Variants in PRELID2 observed in about 807,000 individuals in gnomAD.
The protein encoded by PRELID2 is PRELI domain-containing protein 2.
PRELID2 carries 25 observed loss-of-function variants against 28.4 expected under a neutral mutation model. The observed-to-expected ratio is 0.88, with a 90% CI of 0.64 to 1.23. PRELID2 has a LOEUF of 1.23. PRELID2 is among the 50% of genes most tolerant of loss of function. The probability of loss-of-function intolerance (pLI) is 0.00; values close to 1 mark genes in which losing one functional copy is unlikely to be tolerated. For missense variants in PRELID2, 201 were observed against 214.4 expected (o/e 0.94, Z 0.39); for synonymous variants, 76 against 71.6 (o/e 1.06, Z -0.31).
In PRELID2 at chr5:145,493,076, G is replaced by A. The variant is rs1011979867; in HGVS notation, n.71-19761C>T. Among the ~76,000 whole-genome samples the A allele has an allele frequency of 2.9e-5, 4 of 140,048 alleles. 1 individual carries two copies. The highest frequency in any genetic ancestry group is 7.2e-5 in the Admixed American group (1 of 13,888). 91.9% of individuals were successfully genotyped at this position (140,048 alleles called of 152,430 possible). A position where few individuals can be genotyped will look rare whatever the true frequency, so the allele number is the denominator to read the frequency against. On this transcript the variant is annotated intron_variant and non_coding_transcript_variant, in intron 1 of 2. Transcript: ENST00000510259. ...CTTGGGTAATATAAAATTGTTCTTC[G>A]GACCCTCTTCCATGTGCCTTTTATT...
chr5:145,740,695 T>C (rs1756662553), intron 1 of PRELID2, among the ~76,000 whole-genome samples: 2 of 105,808 alleles, frequency 1.9e-5, no homozygotes, highest in South Asian at 5.8e-4. Context: ...TAATATATTA[T>C]TTATATTAAA....
chr5:145,496,046 G>A (rs1454009717), intron 1 of PRELID2, among the ~76,000 whole-genome samples: 3 of 152,078 alleles, frequency 2.0e-5, no homozygotes, highest in African/African-American at 7.2e-5. Context: ...TGTCTCAAGG[G>A]CTAAGAAATA....
chr5:145,595,415 T>C (rs577989460), intron 1 of PRELID2, among the ~76,000 whole-genome samples: 11 of 152,168 alleles, frequency 7.2e-5, no homozygotes, highest in African/African-American at 2.6e-4. Flanking sequence ...ATCAAAGAGC[T>C]CAAAATTATC....
chr5:145,341,045 C>G, the PRELID2 span, among the ~76,000 whole-genome samples: 4 of 151,578 alleles, frequency 2.6e-5, no homozygotes, highest in African/African-American at 9.7e-5. Context: ...TGCAGGCACC[C>G]AAAATCAAAA....
chr5:145,821,548 C>T (rs1754830421), intron 2 of PRELID2, among the ~76,000 whole-genome samples: 1 of 152,230 alleles, frequency 6.6e-6, no homozygotes, highest in South Asian at 2.1e-4. Context: ...GTGCAGTCTT[C>T]TGCTTTGTGA....
downstream of PRELID2, among the ~76,000 whole-genome samples, chr5:145,467,828 A>C (rs1752015933): frequency 6.6e-6 from 1 of 151,090 alleles, no homozygotes; most frequent in African/African-American, 2.4e-5. Context: ...GTCATGCCAT[A>C]TATGCTTTTT....
At chr5:145,383,138 CAT>C in the PRELID2 span, among the ~76,000 whole-genome samples, 8 of 149,568 alleles carry the variant, frequency 5.3e-5, no homozygotes, top group Admixed American at 2.0e-4. Flanking sequence ...GATTCTAAAA[CAT>C]GTGGGAAAAA....
At chr5:145,380,832 T>C in the PRELID2 span, among the ~76,000 whole-genome samples, 1 of 152,174 alleles carries the variant, frequency 6.6e-6, no homozygotes, top group Non-Finnish European at 1.5e-5. Flanking sequence ...CCTAAAATAT[T>C]GTCATCCATA....
intron 1 of PRELID2, among the ~76,000 whole-genome samples, chr5:145,743,267 A>G (rs1295473106): frequency 4.0e-5 from 6 of 151,798 alleles, no homozygotes; most frequent in Non-Finnish European, 8.8e-5. Flanking sequence ...AAAATTACCC[A>G]GGCATGATGG....
At chr5:145,511,758 A>G (rs1175855685) in intron 1 of PRELID2, among the ~76,000 whole-genome samples, 1 of 152,224 alleles carries the variant, frequency 6.6e-6, no homozygotes, top group Non-Finnish European at 1.5e-5. Context: ...ATCTTCCAGG[A>G]ACTTTCTGAA....
chr5:145,556,985 G>A (rs1752884939), intron 1 of PRELID2, among the ~76,000 whole-genome samples: 1 of 152,056 alleles, frequency 6.6e-6, no homozygotes, highest in Non-Finnish European at 1.5e-5. Context: ...TCATGACACC[G>A]TGTGACTTAA....
chr5:145,246,908 C>T, the PRELID2 span, among the ~76,000 whole-genome samples: 2,311 of 152,228 alleles, frequency 0.015, 23 homozygotes, highest in South Asian at 0.031. Flanking sequence ...GGAAAAGACC[C>T]TCTTCTTTCC....
the PRELID2 span, among the ~76,000 whole-genome samples, chr5:145,380,116 T>C: frequency 6.6e-6 from 1 of 152,194 alleles, no homozygotes; most frequent in African/African-American, 2.4e-5. Context: ...CTACCACTTC[T>C]CTAGGCTGCT....
At chr5:145,835,149 G>C (rs1208533926) in intron 1 of PRELID2, 28 bp downstream of exon 1, 1 of 1,506,720 alleles carries the variant, frequency 6.6e-7, no homozygotes, top group African/African-American at 1.4e-5. Context: ...GGCAGCGCGG[G>C]ATACGGAAGG....
chr5:145,368,341 C>T, the PRELID2 span, among the ~76,000 whole-genome samples: 9 of 151,934 alleles, frequency 5.9e-5, no homozygotes, highest in African/African-American at 1.7e-4. Context: ...TGGCAAAATG[C>T]CAATTTTTAG....
chr5:145,431,264 GT>G, the PRELID2 span, among the ~76,000 whole-genome samples: 1 of 151,852 alleles, frequency 6.6e-6, no homozygotes, highest in South Asian at 2.1e-4. Flanking sequence ...AAGTAGTAAT[GT>G]TCTAGAAACA....
Position 145,572,819 on chromosome 5 carries a change from G to A in PRELID2, n.71-99504C>T, listed in dbSNP as rs561364599. On this transcript the variant is annotated intron_variant and non_coding_transcript_variant, in intron 1 of 2. Transcript: ENST00000510259. ...TGCTCTGAGTGAGGTATTCCCATTC[G>A]GTCTGGTTCTTCGTCTTCACTGAGG... Among the ~76,000 whole-genome samples, 13 of 152,184 alleles carry A rather than the reference G, an allele frequency of 8.5e-5. 1 individual carries two copies. The highest frequency in any genetic ancestry group is 5.8e-4 in the East Asian group (3 of 5,168).
intron 1 of PRELID2, among the ~76,000 whole-genome samples, chr5:145,582,984 T>C (rs1214486651): frequency 6.6e-6 from 1 of 152,002 alleles, no homozygotes; most frequent in South Asian, 2.1e-4. Context: ...AGAGATGCAA[T>C]TTATAAAAGA....
downstream of PRELID2, among the ~76,000 whole-genome samples, chr5:145,752,743 T>TTA (rs1389174718): frequency 2.0e-5 from 3 of 152,190 alleles, no homozygotes; most frequent in Admixed American, 6.5e-5. Context: ...TATTTTGGGG[T>TTA]GATTCATTCA....
Sources: gnomAD v4.1 joint callset for allele counts (sites outside exome capture counted in the v4.1 genomes callset) on GRCh38, gnomAD v4.1.1 for gene constraint, MANE v1.5 for transcripts, NCBI Gene and HGNC (gene_info 2026-07-23, HGNC 2026-07-21) for gene names.